The following ADAM22 variants were observed in gnomAD, a reference collection of about 807,000 sequenced individuals.
ADAM22 encodes disintegrin and metalloproteinase domain-containing protein 22.
In ADAM22, 65 loss-of-function variants were observed where a neutral mutation model predicts 144.6. That is an observed-to-expected ratio of 0.45 (90% CI 0.37 to 0.55). The LOEUF is 0.55. Ranked by LOEUF, ADAM22 falls within the 20% of genes least tolerant of loss-of-function variation. The probability of loss-of-function intolerance (pLI) is 0.00; values close to 1 mark genes in which losing one functional copy is unlikely to be tolerated. For missense variants in ADAM22, 974 were observed against 1,184.9 expected, an observed-to-expected ratio of 0.82 and a Z score of 2.61; for synonymous variants, 391 against 412.6, an observed-to-expected ratio of 0.95 and a Z score of 0.63.
At chr7:87,981,761 A>G (rs1458388722) in intron 3 of ADAM22, among the ~76,000 whole-genome samples, 4 of 152,110 alleles carry the variant, frequency 2.6e-5, no homozygotes, top group African/African-American at 9.7e-5. Flanking sequence ...ATTGGAATTG[A>G]AAGTTAACTC....
intron 2 of ADAM22, among the ~76,000 whole-genome samples, chr7:87,972,257 A>G (rs1041891117): frequency 2.0e-5 from 3 of 152,008 alleles, no homozygotes; most frequent in African/African-American, 4.8e-5. Context: ...AAATCAATGT[A>G]CAAAAATCAC....
chr7:88,038,824 A>G (rs1309047758), intron 3 of ADAM22, among the ~76,000 whole-genome samples: 4 of 150,258 alleles, frequency 2.7e-5, no homozygotes, highest in Admixed American at 6.6e-5. Flanking sequence ...TCTGTTGCCC[A>G]GGCGGGAGCA....
At chr7:87,948,947 C>G (rs1584510023) in intron 2 of ADAM22, among the ~76,000 whole-genome samples, 1 of 152,168 alleles carries the variant, frequency 6.6e-6, no homozygotes, top group Non-Finnish European at 1.5e-5. Context: ...TTTCAATTTT[C>G]TTTCACCAAA....
chr7:88,180,175 A>G (rs1253902932), intron 27 of ADAM22, among the ~76,000 whole-genome samples: 1 of 152,120 alleles, frequency 6.6e-6, no homozygotes, highest in Non-Finnish European at 1.5e-5. Context: ...GCTTCCAGCA[A>G]AAGTAGAAAC....
At chr7:88,188,438 G>C (rs901442077) in intron 30 of ADAM22, among the ~76,000 whole-genome samples, 2 of 152,192 alleles carry the variant, frequency 1.3e-5, no homozygotes, top group Non-Finnish European at 2.9e-5. Flanking sequence ...GACAATTTTA[G>C]AGGGTTCCTT....
chr7:87,971,972 C>T (rs996228517), intron 2 of ADAM22, among the ~76,000 whole-genome samples: 5 of 152,144 alleles, frequency 3.3e-5, no homozygotes, highest in Non-Finnish European at 5.9e-5. Context: ...GGGTGGATCA[C>T]GAGGTCAGGA....
At chr7:88,131,457 GTAT>G (rs1831747992) in intron 11 of ADAM22, 22 bp downstream of exon 11, 1 of 1,608,028 alleles carries the variant, frequency 6.2e-7, no homozygotes, top group South Asian at 1.1e-5. Context: ...CTGTAATGAT[GTAT>G]TACTTTTTTT....
chr7:88,051,790 A>T (rs1410336019), intron 3 of ADAM22, among the ~76,000 whole-genome samples: 1 of 151,954 alleles, frequency 6.6e-6, no homozygotes, highest in Non-Finnish European at 1.5e-5. Flanking sequence ...CCTTTGACTT[A>T]GCCTTTTTAT....
intron 2 of ADAM22, among the ~76,000 whole-genome samples, chr7:87,959,302 A>T (rs1020348812): frequency 5.3e-5 from 8 of 152,200 alleles, no homozygotes; most frequent in African/African-American, 1.9e-4. Context: ...TGTGAGGATT[A>T]AAAAAGATAA....
intron 3 of ADAM22, among the ~76,000 whole-genome samples, chr7:88,010,422 G>A (rs1392513689): frequency 6.6e-6 from 1 of 152,074 alleles, no homozygotes; most frequent in Admixed American, 6.5e-5. Context: ...GTAGCCTAAA[G>A]GTCGCCTGGA....
At chr7:87,990,723 T>C (rs1584867241) in intron 3 of ADAM22, among the ~76,000 whole-genome samples, 1 of 152,194 alleles carries the variant, frequency 6.6e-6, no homozygotes, top group East Asian at 1.9e-4. Flanking sequence ...AGGGCAGTGG[T>C]GCCATCTCAG....
intron 22 of ADAM22, among the ~76,000 whole-genome samples, chr7:88,159,869 C>T (rs899106551): frequency 6.6e-6 from 1 of 152,108 alleles, no homozygotes; most frequent in Non-Finnish European, 1.5e-5. Context: ...TCTCTCACCA[C>T]TCCTATTCAA....
intron 31 of ADAM22, 81 bp from the exon 32 acceptor site, chr7:88,196,389 CT>C: frequency 1.3e-6 from 2 of 1,497,270 alleles, no homozygotes; most frequent in Non-Finnish European, 1.9e-6. Flanking sequence ...GATGGAATCA[CT>C]GAATCTTTTT....
intron 3 of ADAM22, among the ~76,000 whole-genome samples, chr7:88,006,841 C>T (rs1448493218): frequency 5.3e-5 from 8 of 150,822 alleles, no homozygotes; most frequent in Non-Finnish European, 4.4e-5. Flanking sequence ...AAAACTGGCA[C>T]AAGACAGGGA....
At chr7:87,980,114 C>T (rs1390210188) in intron 3 of ADAM22, among the ~76,000 whole-genome samples, 6 of 152,198 alleles carry the variant, frequency 3.9e-5, no homozygotes, top group African/African-American at 4.8e-5. Flanking sequence ...CTTATCAAAG[C>T]GTGAAGTTTA....
chr7:88,115,885 T>A (rs1342962670), intron 6 of ADAM22, among the ~76,000 whole-genome samples: 1 of 152,230 alleles, frequency 6.6e-6, no homozygotes, highest in African/African-American at 2.4e-5. Flanking sequence ...TCCCACAAAT[T>A]AGAAGAAGTT....
intron 2 of ADAM22, among the ~76,000 whole-genome samples, chr7:87,960,800 A>G (rs965228750): frequency 6.6e-6 from 1 of 152,154 alleles, no homozygotes; most frequent in African/African-American, 2.4e-5. Context: ...TTGAGTAACT[A>G]ACACTAATGC....
intron 3 of ADAM22, among the ~76,000 whole-genome samples, chr7:88,062,923 C>T (rs903819678): frequency 3.9e-5 from 6 of 152,102 alleles, no homozygotes; most frequent in Non-Finnish European, 8.8e-5. Flanking sequence ...TTATTAAGCT[C>T]GCTCTCTTAT....
chr7:87,955,242 G>GT, intron 2 of ADAM22, among the ~76,000 whole-genome samples: 1 of 152,292 alleles, frequency 6.6e-6, no homozygotes, highest in South Asian at 2.1e-4. Flanking sequence ...TTTCTGCTCT[G>GT]TTTTTTCCCC....
Sources: gnomAD v4.1 joint callset for allele counts (sites outside exome capture counted in the v4.1 genomes callset) on GRCh38, gnomAD v4.1.1 for gene constraint, MANE v1.5 for transcripts, NCBI Gene and HGNC (gene_info 2026-07-23, HGNC 2026-07-21) for gene names.